Variants in PBX1 observed in about 807,000 individuals in gnomAD.
The protein encoded by PBX1 is PBX homeobox 1, also known as pre-B-cell leukemia transcription factor 1.
A neutral mutation model predicts 53.4 loss-of-function variants in PBX1; 6 were observed. The ratio of observed to expected loss-of-function variants is 0.11; its 90% CI spans 0.06 to 0.22. The LOEUF (loss-of-function observed/expected upper bound fraction) is 0.22. Among genes scored for constraint, PBX1 ranks in the 10% least tolerant of loss-of-function variants. PBX1 has a pLI of 1.00. For missense variants in PBX1, 251 were observed against 551.4 expected, an observed-to-expected ratio of 0.46 and a Z score of 5.46; for synonymous variants, 204 against 212.3, an observed-to-expected ratio of 0.96 and a Z score of 0.34.
At chr1:164,709,851 G>A (rs1004407278) in intron 2 of PBX1, among the ~76,000 whole-genome samples, 4 of 152,198 alleles carry the variant, frequency 2.6e-5, no homozygotes, top group Admixed American at 6.5e-5. Context: ...TGAAATACCA[G>A]AAGTCGTCTC....
At chr1:164,748,387 C>T (rs1666015639) in intron 2 of PBX1, among the ~76,000 whole-genome samples, 1 of 152,124 alleles carries the variant, frequency 6.6e-6, no homozygotes, top group Non-Finnish European at 1.5e-5. Context: ...AACTCTATAT[C>T]CGGCCTCTTT....
intron 2 of PBX1, among the ~76,000 whole-genome samples, chr1:164,759,761 C>G (rs1346712487): frequency 1.3e-5 from 2 of 152,126 alleles, no homozygotes; most frequent in African/African-American, 2.4e-5. Flanking sequence ...CTTCTGGAGT[C>G]AGGACACGTA....
chr1:164,851,590 T>TC lies in PBX1; in HGVS notation c.*4919dup, dbSNP rs1671843515. The TC allele has an allele frequency of 5.3e-6, 1 of 187,508 alleles. No homozygotes were observed. Among genetic ancestry groups the TC allele is most frequent in the Non-Finnish European group, 1.1e-5 (1 of 88,846 alleles). 11.6% of individuals were successfully genotyped at this position (187,508 alleles called of 1,614,324 possible). On this transcript the variant is annotated 3_prime_UTR_variant, in exon 9 of 9. Transcript: ENST00000420696. ...TTTCCTTTGGTTGTTGGTTTTATTC[T>TC]CCCCCTACCCCTCCCCTTTTCTTAT...
intron 8 of PBX1, among the ~76,000 whole-genome samples, chr1:164,841,413 A>C (rs979252209): frequency 6.6e-6 from 1 of 152,218 alleles, no homozygotes; most frequent in Non-Finnish European, 1.5e-5. Flanking sequence ...ATTGAACCTC[A>C]TCTTGAGGCC....
At chr1:164,714,294 C>T (rs1198429610) in intron 2 of PBX1, among the ~76,000 whole-genome samples, 2 of 152,208 alleles carry the variant, frequency 1.3e-5, no homozygotes, top group Non-Finnish European at 2.9e-5. Flanking sequence ...GTTCAAGCCT[C>T]TCATTGTCTA....
intron 2 of PBX1, among the ~76,000 whole-genome samples, chr1:164,762,708 A>C (rs1666872718): frequency 6.6e-6 from 1 of 152,222 alleles, no homozygotes; most frequent in Admixed American, 6.5e-5. Flanking sequence ...CATATTTTTC[A>C]AGTAGTTAAA....
rs111524522 is a variant in PBX1 at position 164,606,362 on chromosome 1, C to T, written c.265+43051C>T. ...AAAATTAGCTGGGAGTGGTGGTGGA[C>T]GCCTGTATTCCCAGCTCCTCAGGAG... On this transcript the variant is annotated intron_variant, in intron 2 of 8. Coordinates refer to ENST00000420696, the MANE Select transcript of PBX1 (RefSeq NM_002585.4). Among the ~76,000 whole-genome samples the T allele has an allele frequency of 8.5e-5, 13 of 152,128 alleles. No homozygotes were observed. In the South Asian group the frequency reaches 1.7e-3, roughly 19 times the overall value.
intron 2 of PBX1, among the ~76,000 whole-genome samples, chr1:164,735,066 C>T (rs1050638040): frequency 3.3e-5 from 5 of 152,176 alleles, no homozygotes; most frequent in African/African-American, 7.2e-5. Flanking sequence ...TTACACTATA[C>T]TGCGTAAGCT....
intron 2 of PBX1, among the ~76,000 whole-genome samples, chr1:164,719,973 G>A (rs1007561853): frequency 2.0e-5 from 3 of 152,118 alleles, no homozygotes; most frequent in African/African-American, 7.2e-5. Flanking sequence ...TGACCTTTTC[G>A]TGAAGCATTA....
intron 2 of PBX1, among the ~76,000 whole-genome samples, chr1:164,578,615 C>A (rs1183306220): frequency 6.6e-6 from 1 of 152,112 alleles, no homozygotes; most frequent in African/African-American, 2.4e-5. Context: ...GAATCATGGG[C>A]AGAATCAATG....
At chr1:164,874,773 C>T (rs1266655666) in intron 2 of PBX1, among the ~76,000 whole-genome samples, 3 of 152,280 alleles carry the variant, frequency 2.0e-5, no homozygotes, top group African/African-American at 7.2e-5. Flanking sequence ...GGATTACAGG[C>T]GTGAGCCACT....
At position 164,751,216 on chromosome 1, in the gene PBX1, G is replaced by A. The variant is rs555680555; in HGVS notation, c.266-41278G>A. On this transcript the variant is annotated intron_variant, in intron 2 of 8. Transcript: ENST00000420696. ...TGTAATCCCAGCTACTCGGGAGTCT[G>A]AGGTGGGAGAATCGCTTGAGCCCAG... Among the ~76,000 whole-genome samples, 5 of 151,594 alleles carry A rather than the reference G, an allele frequency of 3.3e-5. No homozygotes were observed. The South Asian group carries it at 1.0e-3, about 32-fold the overall frequency.
At chr1:164,604,919 A>G (rs1656447450) in intron 2 of PBX1, among the ~76,000 whole-genome samples, 1 of 152,224 alleles carries the variant, frequency 6.6e-6, no homozygotes, top group African/African-American at 2.4e-5. Flanking sequence ...AAAGAATGGA[A>G]AAAGACAAGA....
chr1:164,632,467 C>T (rs1216787247), intron 2 of PBX1, among the ~76,000 whole-genome samples: 1 of 152,160 alleles, frequency 6.6e-6, no homozygotes, highest in Non-Finnish European at 1.5e-5. Flanking sequence ...GTTCACAGCA[C>T]AGCCTTTCTC....
At chr1:164,860,900 AT>A (rs1196049664) in intron 2 of PBX1, among the ~76,000 whole-genome samples, 1 of 152,230 alleles carries the variant, frequency 6.6e-6, no homozygotes, top group East Asian at 1.9e-4. Context: ...GAGAAAGGGA[AT>A]AAAACAGTGA....
chr1:164,747,145 A>T (rs1665935378), intron 2 of PBX1, among the ~76,000 whole-genome samples: 2 of 151,986 alleles, frequency 1.3e-5, no homozygotes, highest in African/African-American at 4.8e-5. Flanking sequence ...TGATCTTCTG[A>T]CTCTACCATT....
chr1:164,633,766 GT>G (rs1416891455), intron 2 of PBX1, among the ~76,000 whole-genome samples: 1 of 152,144 alleles, frequency 6.6e-6, no homozygotes, highest in East Asian at 1.9e-4. Context: ...CTTTGCTTCA[GT>G]TTCCTAATCT....
chr1:164,788,508 T>C (rs1668313494), intron 2 of PBX1, among the ~76,000 whole-genome samples: 1 of 151,888 alleles, frequency 6.6e-6, no homozygotes, highest in Non-Finnish European at 1.5e-5. Flanking sequence ...GCATGCAAGG[T>C]TGTTTATTGG....
chr1:164,561,703 A>G (rs1653058986), intron 1 of PBX1, among the ~76,000 whole-genome samples: 2 of 152,316 alleles, frequency 1.3e-5, no homozygotes, highest in East Asian at 1.9e-4. Context: ...GTGGACAAAC[A>G]GGGCTTGGCG....
Sources: gnomAD v4.1 joint callset for allele counts (sites outside exome capture counted in the v4.1 genomes callset) on GRCh38, gnomAD v4.1.1 for gene constraint, MANE v1.5 for transcripts, NCBI Gene and HGNC (gene_info 2026-07-23, HGNC 2026-07-21) for gene names.